Variants in USP11 observed in about 807,000 individuals in gnomAD.
USP11 encodes the protein ubiquitin specific peptidase 11, also known as ubiquitin carboxyl-terminal hydrolase 11.
Under a neutral mutation model 72.8 loss-of-function variants are expected in USP11, and 5 were observed. The ratio of observed to expected loss-of-function variants is 0.07; its 90% CI spans 0.04 to 0.14. The LOEUF is 0.14. USP11 is among the 10% of genes least tolerant of loss of function. The probability of loss-of-function intolerance (pLI) is 1.00; values close to 1 mark genes in which losing one functional copy is unlikely to be tolerated. For synonymous variants in USP11, 368 were observed against 326.5 expected (o/e 1.13, Z -1.37); for missense variants, 480 against 794.7 (o/e 0.60, Z 4.76).
chrX:47,242,054 C>A lies in USP11; in HGVS notation c.1180-28C>A, dbSNP rs373599613. On this transcript the variant is annotated intron_variant, in intron 9 of 20. Transcript: ENST00000377107. ...GGTTTCCTCTTACCCTGGGCAAGCC[C>A]CACCACCCACCATGACACTATCAAC... 130 of 1,195,890 alleles carry A rather than the reference C, an allele frequency of 1.1e-4. No individual in the cohort carries two copies. The Middle Eastern group carries it at 2.1e-3, about 19-fold the overall frequency.
At position 47,240,580 on chromosome X, in the gene USP11, A is replaced by G; in HGVS notation, c.682-7A>G. 1.7e-6 allele frequency: 2 copies of G among 1,211,614 alleles called. No homozygotes were observed. ...TACCTTTCCTTCTTTCTCTTTCTCCAACCCAGTTGATCATCATGGAGACCC... is the reference window on the plus strand; with the variant it reads ...TACCTTTCCTTCTTTCTCTTTCTCCGACCCAGTTGATCATCATGGAGACCC... On this transcript the variant is annotated splice_polypyrimidine_tract_variant and splice_region_variant and intron_variant, in intron 5 of 20. Coordinates refer to ENST00000377107, the MANE Select transcript of USP11 (RefSeq NM_001371072.1).
intron 1 of USP11, chrX:47,233,587 T>G (rs1018383719): frequency 2.5e-6 from 2 of 804,830 alleles, no homozygotes; most frequent in African/African-American, 2.2e-5. Flanking sequence ...AATGCAACTT[T>G]TGGGGGCGAG....
At position 47,247,970 on chromosome X, in the gene USP11, C is replaced by T. The variant is rs1431519448; in HGVS notation, c.*40C>T. The T allele has an allele frequency of 4.6e-6, 5 of 1,091,750 alleles. No homozygotes were observed. The highest frequency in any genetic ancestry group is 6.5e-5 in the East Asian group (2 of 30,998). 90.0% of individuals were successfully genotyped at this position (1,091,750 alleles called of 1,213,427 possible). A position where few individuals can be genotyped will look rare whatever the true frequency, so the allele number is the denominator to read the frequency against. On this transcript the variant is annotated 3_prime_UTR_variant, in exon 21 of 21. Coordinates refer to ENST00000377107, the MANE Select transcript of USP11 (RefSeq NM_001371072.1). ...GCCACAGAAAAAAAAAAAAAAAAGC[C>T]CTCTCTGCAATCTCGCTTCTCGTGT...
rs1011717148 is a variant in USP11 at position 47,244,705 on chromosome X, G to T, written c.1867G>T (p.Asp623Tyr). The T allele has an allele frequency of 1.7e-6, 2 of 1,205,817 alleles. No individual in the cohort carries two copies. The highest frequency in any genetic ancestry group is 3.5e-5 in the African/African-American group (2 of 56,638). The part of the protein sequence containing the change: ...EKEDDEEDKD[D>Y]VPGPSTGGSL... ...AGAAGATGACGAGGAGGATAAAGATGACGTCCCTGGGCCCTCAACTGGGGG... is the reference window on the plus strand; with the variant it reads ...AGAAGATGACGAGGAGGATAAAGATTACGTCCCTGGGCCCTCAACTGGGGG... Residue 623 changes from aspartate to tyrosine, a missense_variant, in exon 15 of 21, where the codon GAC becomes TAC. Asp to Tyr is a radical substitution (Grantham distance 160, BLOSUM62 -3). Coordinates refer to ENST00000377107, the MANE Select transcript of USP11 (RefSeq NM_001371072.1).
At chrX:47,238,096 A>G (rs1373477149) in intron 1 of USP11, among the ~76,000 whole-genome samples, 1 of 111,178 alleles carries the variant, frequency 9.0e-6, no homozygotes, top group Non-Finnish European at 1.9e-5. Context: ...TTTTTATCAC[A>G]GTTTTTAAGA....
In USP11 at chrX:47,244,763, G is replaced by A; in HGVS notation, c.1925G>A (p.Gly642Glu). Residue 642 changes from glycine to glutamate, a missense_variant, in exon 15 of 21, where the codon GGG becomes GAG. Gly to Glu is a moderately conservative substitution (Grantham distance 98). Around this residue, in one of 5 missense-constraint regions of USP11, gnomAD observed 314 missense variants for 556.0 expected, o/e 0.56. Transcript: ENST00000377107. ...SLRDPEPEQA[G>E]PSSGVTNRCP... is the part of the protein sequence containing the mutation. ...CGAGACCCTGAGCCAGAGCAGGCTG[G>A]GCCCAGCTCTGGAGTCACGAACAGG... The A allele has an allele frequency of 8.3e-7, 1 of 1,209,670 alleles. No individual in the cohort carries two copies. Among genetic ancestry groups the A allele is most frequent in the Non-Finnish European group, 1.1e-6 (1 of 894,844 alleles).
In USP11 at chrX:47,245,375, C is replaced by T. The variant is rs774178866; in HGVS notation, c.2163C>T (p.Tyr721=). The change falls in exon 17 of 21, where the codon TAC becomes TAT. Residue 721 remains tyrosine, a synonymous_variant. Coordinates refer to ENST00000377107, the MANE Select transcript of USP11 (RefSeq NM_001371072.1). The part of the protein sequence containing the change: ...RYYDEVEAEG[Y]VKHDCVGYVM... ...GTCTGTTCACCCAATCCTAGGGCTA[C>T]GTGAAGCATGACTGCGTCGGGTACG... 3.0e-5 allele frequency: 36 copies of T among 1,207,335 alleles called. No homozygotes were observed. Among genetic ancestry groups the T allele is most frequent in the South Asian group, 3.5e-5 (2 of 56,702 alleles).
rs778278623 is a variant in USP11, at chrX:47,240,317, G to T, written c.548G>T (p.Arg183Leu). The change falls in exon 5 of 21, where the codon CGC (arginine) becomes CTC (leucine). Residue 183 changes from arginine (R) to leucine (L), a missense_variant. By Grantham distance (102) the Arg-to-Leu change is moderately radical (BLOSUM62 -2). Transcript: ENST00000377107. ...TCACCCCGCACAGGCCTAGTATTGC[G>T]CACAGCTCGGGAGCGGTTTCTGGTG... ...SHTDSIGLVLRTARERFLVEP... is the reference protein window; with the variant it reads ...SHTDSIGLVLLTARERFLVEP... 1 of 1,210,623 alleles carries T rather than the reference G, an allele frequency of 8.3e-7. No homozygotes were observed. The highest frequency in any genetic ancestry group is 1.1e-6 in the Non-Finnish European group (1 of 894,846).
At chrX:47,233,768 GGGCGTGCTCTGAGGCCGAGGGACGA>G in intron 1 of USP11, 3 of 46,328 alleles carry the variant, frequency 6.5e-5, no homozygotes, top group Non-Finnish European at 2.6e-4. Context: ...GTGAGCTGAG[GGGCGTGCTCTGAGGCCGAGGGACGA>G]CAGTGGAGGG....
intron 5 of USP11, 22 bp downstream of exon 5, chrX:47,240,472 C>A (rs921903723): frequency 2.5e-6 from 3 of 1,211,277 alleles, no homozygotes; most frequent in Admixed American, 4.3e-5. Context: ...GAGGGCTTTT[C>A]TGTTCAGGTG....
chrX:47,239,977 C>A, intron 4 of USP11, 70 bp downstream of exon 4: 1 of 1,050,604 alleles, frequency 9.5e-7, no homozygotes, highest in Non-Finnish European at 1.3e-6. Context: ...CTTGAGGTTG[C>A]ATAGGGTTAA....
At chrX:47,233,348 G>C in intron 1 of USP11, 129 bp downstream of exon 1, 1 of 927,985 alleles carries the variant, frequency 1.1e-6, no homozygotes, top group Non-Finnish European at 1.4e-6. Flanking sequence ...TGGCCGGCGG[G>C]ACAGCGGGCT....
Position 47,243,430 on chromosome X carries a change from G to A in USP11, c.1618G>A (p.Gly540Ser), listed in dbSNP as rs373083048. ...GTCAGGTCGCATTGAGGCCATTGAG[G>A]GCTCAAGAGAGGACATCGTGGTTCC... ...EVSGRIEAIEGSREDIVVPVY... is the reference protein window; with the variant it reads ...EVSGRIEAIESSREDIVVPVY... The change falls in exon 13 of 21, where the codon GGC becomes AGC. Residue 540 changes from glycine (G) to serine (S), a missense_variant. Physicochemically the swap from Gly to Ser is moderately conservative, Grantham distance 56. Transcript: ENST00000377107. 31 of 1,210,239 alleles carry A rather than the reference G, an allele frequency of 2.6e-5. No homozygotes were observed. Among genetic ancestry groups the A allele is most frequent in the Non-Finnish European group, 3.2e-5 (29 of 895,247 alleles).
At position 47,248,071 on chromosome X, in the gene USP11, T is replaced by C; in HGVS notation, c.*141T>C. On this transcript the variant is annotated 3_prime_UTR_variant, in exon 21 of 21. Transcript: ENST00000377107. ...CTTAGTCGTGGCTACTGTTCTCCTGTGCCGCTGCATCGCTCTCTCCCGGGA... is the reference window on the plus strand; with the variant it reads ...CTTAGTCGTGGCTACTGTTCTCCTGCGCCGCTGCATCGCTCTCTCCCGGGA... 1.1e-6 allele frequency: 1 copy of C among 884,393 alleles called. No homozygotes were observed. The highest frequency in any genetic ancestry group is 3.9e-5 in the Admixed American group (1 of 25,686). The allele number at this position is 884,393 out of a possible 1,213,427, so 72.9% of individuals were successfully genotyped here.
At chrX:47,240,558 C>T in intron 5 of USP11, 29 bp from the exon 6 acceptor site, 1 of 1,211,116 alleles carries the variant, frequency 8.3e-7, no homozygotes, top group Non-Finnish European at 1.1e-6. Flanking sequence ...CCATTAATAC[C>T]TTTCCTTCTT....
Position 47,242,515 on chromosome X carries a change from C to A in USP11, c.1481C>A (p.Pro494Gln). The A allele has an allele frequency of 8.3e-7, 1 of 1,211,834 alleles. No homozygotes were observed. The highest frequency in any genetic ancestry group is 1.7e-5 in the African/African-American group (1 of 57,829). The change falls in exon 11 of 21, where the codon CCA becomes CAA. Residue 494 changes from proline (P) to glutamine (Q), a missense_variant. By Grantham distance (76) the Pro-to-Gln change is moderately conservative. Coordinates refer to ENST00000377107, the MANE Select transcript of USP11 (RefSeq NM_001371072.1). ...CTGTCCAAACACACGGGCATCTCGCCAGAGAGGGTGAGACTGCAGAAGGAG... is the reference window on the plus strand; with the variant it reads ...CTGTCCAAACACACGGGCATCTCGCAAGAGAGGGTGAGACTGCAGAAGGAG... ...VALSKHTGIS[P>Q]ERMMVADVFS...
intron 1 of USP11, among the ~76,000 whole-genome samples, chrX:47,235,460 A>G (rs781745272): frequency 5.4e-5 from 6 of 111,294 alleles, no homozygotes; most frequent in Non-Finnish European, 1.1e-4. Context: ...AACATGTATC[A>G]TGTCCAGCCA....
rs756785886 is a variant in USP11, at chrX:47,239,877, A to G, written c.505A>G (p.Thr169Ala). ...GCACAATGATTTGGGCAAATCTCACACTGTTCAGTTCAGCCATACCGATTC... is the reference window on the plus strand; with the variant it reads ...GCACAATGATTTGGGCAAATCTCACGCTGTTCAGTTCAGCCATACCGATTC... Reference protein sequence around the residue: ...VRHNDLGKSHTVQFSHTDSIG... With the variant: ...VRHNDLGKSHAVQFSHTDSIG... The change falls in exon 4 of 21, where the codon ACT becomes GCT. Residue 169 changes from threonine (T) to alanine (A), a missense_variant. Physicochemically the swap from Thr to Ala is moderately conservative, Grantham distance 58. Around this residue, in one of 5 missense-constraint regions of USP11, gnomAD observed 80 missense variants for 100.9 expected, o/e 0.79. Transcript: ENST00000377107. 26 of 1,209,844 alleles carry G rather than the reference A, an allele frequency of 2.1e-5. No individual in the cohort carries two copies. In the African/African-American group the frequency reaches 4.0e-4, roughly 19 times the overall value.
At chrX:47,243,741 G>A (rs754478588) in intron 13 of USP11, 139 bp downstream of exon 13, 175 of 637,952 alleles carry the variant, frequency 2.7e-4, no homozygotes, top group Non-Finnish European at 3.6e-4. Context: ...AACTTGTAGG[G>A]TTTTTTCTTT....
Sources: allele counts gnomAD v4.1 joint callset (sites outside exome capture counted in the v4.1 genomes callset), GRCh38; gene constraint gnomAD v4.1.1; regional missense constraint gnomAD v4.1.1; transcripts MANE v1.5; gene names NCBI Gene and HGNC (gene_info 2026-07-23, HGNC 2026-07-21).